MEGF8: variants seen among roughly 807,000 people sequenced by gnomAD.
The protein encoded by MEGF8 is multiple EGF like domains 8.
A neutral mutation model predicts 302.9 loss-of-function variants in MEGF8; 156 were observed. That is an observed-to-expected ratio of 0.52 (90% confidence interval 0.45 to 0.59). The LOEUF (loss-of-function observed/expected upper bound fraction) is 0.59, where lower values mean the gene tolerates loss of function less well. Ranked by LOEUF, MEGF8 falls within the 20% of genes least tolerant of loss-of-function variation. The pLI is 0.00. For missense variants in MEGF8, 3,345 were observed against 3,964.5 expected (o/e 0.84, Z 4.20); for synonymous variants, 1,621 against 1,660.5 (o/e 0.98, Z 0.58).
At chr19:42,333,912 G>A (rs1298486429) in intron 2 of MEGF8, 95 bp from the exon 3 acceptor site, 10 of 1,506,600 alleles carry the variant, frequency 6.6e-6, no homozygotes, top group Non-Finnish European at 9.0e-6. Flanking sequence ...ATGAGGCTCT[G>A]GGTCCCCCAG....
Position 42,343,599 on chromosome 19 carries a change from C to CAA in MEGF8, c.1636_1637insAA (p.Pro546GlnfsTer166). 6.2e-7 allele frequency: 1 copy of CAA among 1,611,066 alleles called. No individual in the cohort carries two copies. Among genetic ancestry groups the CAA allele is most frequent in the East Asian group, 2.2e-5 (1 of 44,804 alleles). On this transcript the variant is annotated frameshift_variant, in exon 9 of 42. Coordinates refer to ENST00000251268, the MANE Select transcript of MEGF8 (RefSeq NM_001271938.2). LOFTEE classifies it high-confidence loss of function. Reference sequence around the variant, plus strand: ...TGGGGACTTGATGGCGTACAAGGTGCCCCCCTTTGTGTTCCAGGCACCTGC... The same window carrying CAA: ...TGGGGACTTGATGGCGTACAAGGTGCAACCCCCTTTGTGTTCCAGGCACCTGC...
Position 42,354,115 on chromosome 19 carries a change from G to C in MEGF8, c.4011+91G>C. 7.3e-7 allele frequency: 1 copy of C among 1,378,036 alleles called. No homozygotes were observed. The highest frequency in any genetic ancestry group is 9.6e-7 in the Non-Finnish European group (1 of 1,046,268). 85.4% of individuals were successfully genotyped at this position (1,378,036 alleles called of 1,614,324 possible). A position where few individuals can be genotyped will look rare whatever the true frequency, so the allele number is the denominator to read the frequency against. On this transcript the variant is annotated intron_variant, in intron 22 of 41. Transcript: ENST00000251268. The surrounding 1 kb of genome is among the most constrained non-coding windows in gnomAD (Gnocchi z 4.3). Reference sequence around the variant, plus strand: ...ATCCTCAGACCCTGACCCTAGTATTGCTGTTTTTTTTTTTTTGTTTTTTTA... The same window carrying C: ...ATCCTCAGACCCTGACCCTAGTATTCCTGTTTTTTTTTTTTTGTTTTTTTA...
At position 42,343,984 on chromosome 19, in the gene MEGF8, G is replaced by C; in HGVS notation, c.1699G>C (p.Asp567His). ...YHLDYCSMYT[D>H]HSVCSRDPEC... Reference sequence around the variant, plus strand: ...CTTGGACTACTGCTCCATGTACACAGACCACAGCGTCTGCTCCCGGGACCC... The same window carrying C: ...CTTGGACTACTGCTCCATGTACACACACCACAGCGTCTGCTCCCGGGACCC... Residue 567 changes from aspartate (D) to histidine (H), a missense_variant, in exon 10 of 42, where the codon GAC (aspartate) becomes CAC (histidine). By Grantham distance (81) the Asp-to-His change is moderately conservative. Coordinates refer to ENST00000251268, the MANE Select transcript of MEGF8 (RefSeq NM_001271938.2). 1 of 1,613,768 alleles carries C rather than the reference G, an allele frequency of 6.2e-7. No individual in the cohort carries two copies. The highest frequency in any genetic ancestry group is 8.5e-7 in the Non-Finnish European group (1 of 1,179,776).
At chr19:42,332,624 T>C (rs2039070111) in intron 1 of MEGF8, among the ~76,000 whole-genome samples, 1 of 152,162 alleles carries the variant, frequency 6.6e-6, no homozygotes, top group South Asian at 2.1e-4. Context: ...CCTTGGCCTC[T>C]CAAAGTGCTG....
chr19:42,352,276 TG>T lies in MEGF8; in HGVS notation c.3174del (p.Leu1059PhefsTer34). On this transcript the variant is annotated frameshift_variant, in exon 19 of 42. Transcript: ENST00000251268. LOFTEE classifies it high-confidence loss of function. This position sits in a 1 kb window ranked among gnomAD's most constrained non-coding sequence, Gnocchi z 4.4. ...TGCTCCCTGTGGGTGGGGGAGGGCC[TG>T]GGGCTTCCCGTGGCCCTCCCTGCCC... ...GNCSLWVGEG[L>X]GLPVALPARW... The T allele has an allele frequency of 6.4e-7, 1 of 1,566,198 alleles. No homozygotes were observed. The highest frequency in any genetic ancestry group is 8.7e-7 in the Non-Finnish European group (1 of 1,155,224).
At chr19:42,350,827 C>T (rs952302818) in intron 15 of MEGF8, among the ~76,000 whole-genome samples, 1 of 152,284 alleles carries the variant, frequency 6.6e-6, no homozygotes, top group East Asian at 1.9e-4. Context: ...TCTCTCCCCC[C>T]ACCCCACCAC....
intron 12 of MEGF8, among the ~76,000 whole-genome samples, chr19:42,347,059 C>A (rs117675810): frequency 0.013 from 1,903 of 151,546 alleles, 93 homozygotes; most frequent in East Asian, 0.092. Flanking sequence ...TCATTTACCC[C>A]ACTCCCTACC....
At chr19:42,345,941 C>T (rs1434320403) in intron 12 of MEGF8, among the ~76,000 whole-genome samples, 1 of 152,194 alleles carries the variant, frequency 6.6e-6, no homozygotes, top group African/African-American at 2.4e-5. Context: ...CTCTCTGTCG[C>T]CCAGGCTGGA....
intron 1 of MEGF8, among the ~76,000 whole-genome samples, chr19:42,331,431 G>A (rs551502154): frequency 1.4e-4 from 21 of 152,306 alleles, no homozygotes; most frequent in Middle Eastern, 3.4e-3. Context: ...GGACTCCCCT[G>A]AGCTGCCTGT....
Position 42,335,291 on chromosome 19 carries a change from C to T in MEGF8, c.740-6C>T, listed in dbSNP as rs372546741. On this transcript the variant is annotated splice_region_variant and splice_polypyrimidine_tract_variant and intron_variant, in intron 4 of 41. Transcript: ENST00000251268. ...CCAGGGCATGAGACTATCCACCCCT[C>T]CACAGGCCAGGACCTCAACAATGCC... 385 of 1,614,050 alleles carry T rather than the reference C, an allele frequency of 2.4e-4. No homozygotes were observed. Among genetic ancestry groups the T allele is most frequent in the Non-Finnish European group, 3.1e-4 (366 of 1,179,888 alleles).
chr19:42,359,878 A>G (rs551655756), intron 31 of MEGF8, among the ~76,000 whole-genome samples: 21 of 63,538 alleles, frequency 3.3e-4, no homozygotes, highest in Non-Finnish European at 5.8e-4. Context: ...TTTTTTTTGT[A>G]GAGACAGGGT....
At position 42,353,783 on chromosome 19, in the gene MEGF8, G is replaced by T. The variant is rs2039411577; in HGVS notation, c.3770G>T (p.Gly1257Val). 1 of 1,599,572 alleles carries T rather than the reference G, an allele frequency of 6.3e-7. No individual in the cohort carries two copies. Among genetic ancestry groups the T allele is most frequent in the Admixed American group, 1.7e-5 (1 of 59,536 alleles). Residue 1257 changes from glycine (G) to valine (V), a missense_variant, in exon 22 of 42, where the codon GGT (glycine) becomes GTT (valine). Physicochemically the swap from Gly to Val is moderately radical, Grantham distance 109 (BLOSUM62 -3). Transcript: ENST00000251268. This position sits in a 1 kb window ranked among gnomAD's most constrained non-coding sequence, Gnocchi z 6.1. ...CTTCTCCATCTCCCCAGGGCCGGTG[G>T]TTCCTGCTTTCGGGAGTGTGGGGGT... ...PGYYGDPRAG[G>V]SCFRECGGRA...
chr19:42,371,819 A>C (rs542163093), intron 41 of MEGF8, among the ~76,000 whole-genome samples: 1 of 152,192 alleles, frequency 6.6e-6, no homozygotes, highest in East Asian at 1.9e-4. Context: ...ATGGTTGCTC[A>C]TGTCTGTAAT....
Position 42,336,005 on chromosome 19 carries a change from C to A in MEGF8, c.903C>A (p.Gly301=), listed in dbSNP as rs1228372882. The change falls in exon 6 of 42, where the codon GGC becomes GGA. Residue 301 remains glycine (G), a synonymous_variant. Coordinates refer to ENST00000251268, the MANE Select transcript of MEGF8 (RefSeq NM_001271938.2). This position sits in a 1 kb window ranked among gnomAD's most constrained non-coding sequence, Gnocchi z 4.8. ...LVLMGGELAD[G]SLTNDVWAFS... ...TGATGGGTGGTGAGCTGGCTGACGG[C>A]TCGCTCACCAACGACGTGTGGGCCT... The A allele has an allele frequency of 6.5e-7, 1 of 1,544,442 alleles. No individual in the cohort carries two copies. The highest frequency in any genetic ancestry group is 8.7e-7 in the Non-Finnish European group (1 of 1,147,048).
chr19:42,333,780 TG>T lies in MEGF8; in HGVS notation c.351+16del, dbSNP rs768476024. ...CTTCCTCAGGCAAGGTTAGTGGGGATGGGGCCGTGGCAGATACACCGAGGGA... is the reference window on the plus strand; with the variant it reads ...CTTCCTCAGGCAAGGTTAGTGGGGATGGGCCGTGGCAGATACACCGAGGGA... On this transcript the variant is annotated intron_variant, in intron 2 of 41. Coordinates refer to ENST00000251268, the MANE Select transcript of MEGF8 (RefSeq NM_001271938.2). 5 of 1,612,672 alleles carry T rather than the reference TG, an allele frequency of 3.1e-6. No individual in the cohort carries two copies. The African/African-American group carries it at 4.0e-5, about 13-fold the overall frequency.
rs1265172419 is a variant in MEGF8 at position 42,354,076 on chromosome 19, CT to C, written c.4011+53del. 1.3e-6 allele frequency: 2 copies of C among 1,534,802 alleles called. No homozygotes were observed. The highest frequency in any genetic ancestry group is 2.0e-5 in the Admixed American group (1 of 51,246). ...GGCGCATGAGCCAGAACCGTGTCCC[CT>C]GACCCAGCCTGCATCCTCAGACCCT... On this transcript the variant is annotated intron_variant, in intron 22 of 41. Coordinates refer to ENST00000251268, the MANE Select transcript of MEGF8 (RefSeq NM_001271938.2). The surrounding 1 kb of genome is among the most constrained non-coding windows in gnomAD (Gnocchi z 4.3).
At position 42,334,012 on chromosome 19, in the gene MEGF8, G is replaced by A. The variant is rs115536529; in HGVS notation, c.357G>A (p.Leu119=). The change falls in exon 3 of 42, where the codon CTG becomes CTA. Residue 119 remains leucine, a synonymous_variant. Coordinates refer to ENST00000251268, the MANE Select transcript of MEGF8 (RefSeq NM_001271938.2). ...AGCACACCTTGTGCCCGCAGATGCT[G>A]CTGCACCTCTTCAGTGATGCCAACT... ...PPIEASSGKM[L]LHLFSDANYN... is the part of the protein sequence containing the mutation. 1,692 of 1,613,322 alleles carry A rather than the reference G, an allele frequency of 1.0e-3. 19 individuals are homozygous for A. In the African/African-American group the frequency reaches 0.02, roughly 19 times the overall value.
At position 42,337,139 on chromosome 19, in the gene MEGF8, C is replaced by T. The variant is rs141773838; in HGVS notation, c.1446C>T (p.Phe482=). The T allele has an allele frequency of 6.2e-7, 1 of 1,614,024 alleles. No homozygotes were observed. The highest frequency in any genetic ancestry group is 8.5e-7 in the Non-Finnish European group (1 of 1,179,886). ...AAAAGTGCTACGAAGATGGCATCTT[C>T]TTCTACCACCTTGGCTGCCATCAAT... ...QEEKCYEDGI[F]FYHLGCHQWV... The change falls in exon 8 of 42, where the codon TTC becomes TTT. Residue 482 remains phenylalanine, a synonymous_variant. Transcript: ENST00000251268.
At position 42,342,599 on chromosome 19, in the gene MEGF8, G is replaced by A. The variant is rs865436; in HGVS notation, c.1514-878G>A. Among the ~76,000 whole-genome samples the A allele has an allele frequency of 2.6e-4, 39 of 151,562 alleles. No homozygotes were observed. The South Asian group carries it at 7.3e-3, about 28-fold the overall frequency. ...TTGCAGTGAGCTGAGATCGTGGCAC[G>A]GCACTGCAGCCTGGGTGACAAAGCG... On this transcript the variant is annotated intron_variant, in intron 8 of 41. Transcript: ENST00000251268.
Sources: gnomAD v4.1 joint callset for allele counts (sites outside exome capture counted in the v4.1 genomes callset) on GRCh38, gnomAD v4.1.1 for gene constraint, Gnocchi (gnomAD v3.1) non-coding constraint, MANE v1.5 for transcripts, NCBI Gene and HGNC (gene_info 2026-07-23, HGNC 2026-07-21) for gene names.